The following LHX5 variants were observed in gnomAD, a reference collection of about 807,000 sequenced individuals.
LHX5 encodes the protein LIM/homeobox protein Lhx5.
A neutral mutation model predicts 30.6 loss-of-function variants in LHX5; 5 were observed. The ratio of observed to expected loss-of-function variants is 0.16; its 90% confidence interval spans 0.09 to 0.34. The LOEUF (loss-of-function observed/expected upper bound fraction) is 0.34. Ranked by LOEUF, LHX5 falls within the 10% of genes least tolerant of loss-of-function variation. LHX5 has a pLI of 1.00. For synonymous variants in LHX5, 266 were observed against 252.6 expected (o/e 1.05, Z -0.50); for missense variants, 458 against 570.6 (o/e 0.80, Z 2.01).
Position 113,463,312 on chromosome 12 carries a change from G to T in LHX5, c.1087C>A (p.Pro363Thr), listed in dbSNP as rs755696055. ...CCGCTGAATACCTCGCCGGGCATGGGGTGCAGCGTGCCCGGCAGGCCTGGC... is the reference window on the plus strand; with the variant it reads ...CCGCTGAATACCTCGCCGGGCATGGTGTGCAGCGTGCCCGGCAGGCCTGGC... ...PEPGLPGTLH[P>T]MPGEVFSGGP... The change falls in exon 5 of 5, where the codon CCC becomes ACC. Residue 363 changes from proline to threonine, a missense_variant. This residue lies in a region of LHX5 where 255 missense variants were observed against 246.8 expected (regional missense o/e 1.03). Coordinates refer to ENST00000261731, the MANE Select transcript of LHX5 (RefSeq NM_022363.3). The surrounding 1 kb of genome is among the most constrained non-coding windows in gnomAD (Gnocchi z 6.7). 70 of 1,536,380 alleles carry T rather than the reference G, an allele frequency of 4.6e-5. No homozygotes were observed. The East Asian group carries it at 1.7e-3, about 38-fold the overall frequency.
Position 113,469,256 on chromosome 12 carries a change from T to A in LHX5, c.263A>T (p.Asn88Ile). The A allele has an allele frequency of 6.2e-7, 1 of 1,614,224 alleles. No individual in the cohort carries two copies. The highest frequency in any genetic ancestry group is 8.5e-7 in the Non-Finnish European group (1 of 1,180,026). Reference protein sequence around the residue: ...RKARSKVFHLNCFTCMVCNKQ... With the variant: ...RKARSKVFHLICFTCMVCNKQ... ...GTTACACACCATGCAGGTGAAACAG[T>A]TGAGGTGAAAGACTTTGCTCCGGGC... The change falls in exon 2 of 5, where the codon AAC (asparagine) becomes ATC (isoleucine). Residue 88 changes from asparagine (N) to isoleucine (I), a missense_variant. Asn to Ile is a moderately radical substitution (Grantham distance 149). Around this residue, in one of 3 missense-constraint regions of LHX5, gnomAD observed 178 missense variants for 238.5 expected, o/e 0.75. Transcript: ENST00000261731.
intron 3 of LHX5, 26 bp downstream of exon 3, chr12:113,468,101 G>T (rs1478096248): frequency 1.4e-5 from 21 of 1,509,916 alleles, no homozygotes; most frequent in Non-Finnish European, 1.9e-5. Context: ...GCGGGGCTAA[G>T]GAGCTGTGCC....
At position 113,464,363 on chromosome 12, in the gene LHX5, A is replaced by T. The variant is rs1347762472; in HGVS notation, c.842-806T>A. 6.7e-6 allele frequency among the ~76,000 whole-genome samples: 1 copy of T among 149,756 alleles called. No individual in the cohort carries two copies. Among genetic ancestry groups the T allele is most frequent in the African/African-American group, 2.4e-5 (1 of 40,998 alleles). ...GCGAAATGGTTGAGACCGGGAAGCG[A>T]CCTGGCCGGGGGAAACTGGATCCGG... is the stretch of plus-strand genomic sequence containing the variant. On this transcript the variant is annotated intron_variant, in intron 4 of 4. Coordinates refer to ENST00000261731, the MANE Select transcript of LHX5 (RefSeq NM_022363.3). This position sits in a 1 kb window ranked among gnomAD's most constrained non-coding sequence, Gnocchi z 6.2.
At position 113,462,997 on chromosome 12, in the gene LHX5, C is replaced by G. The variant is rs926450096; in HGVS notation, c.*193G>C. 12 of 542,382 alleles carry G rather than the reference C, an allele frequency of 2.2e-5. No homozygotes were observed. Among genetic ancestry groups the G allele is most frequent in the Non-Finnish European group, 3.2e-5 (10 of 315,334 alleles). 33.6% of individuals were successfully genotyped at this position (542,382 alleles called of 1,614,324 possible). A position where few individuals can be genotyped will look rare whatever the true frequency, so the allele number is the denominator to read the frequency against. ...TGGGCTGAGGCTCCTGGAGAGCCCGCGGGGTGGAGATGGGGGTCGGCCCCC... is the reference window on the plus strand; with the variant it reads ...TGGGCTGAGGCTCCTGGAGAGCCCGGGGGGTGGAGATGGGGGTCGGCCCCC... On this transcript the variant is annotated 3_prime_UTR_variant, in exon 5 of 5. Coordinates refer to ENST00000261731, the MANE Select transcript of LHX5 (RefSeq NM_022363.3).
intron 1 of LHX5, among the ~76,000 whole-genome samples, chr12:113,470,803 G>C (rs1046218906): frequency 6.6e-5 from 10 of 152,168 alleles, no homozygotes; most frequent in Admixed American, 2.6e-4. Context: ...AAATGTTTAA[G>C]GGGTTGGGAG....
Position 113,467,686 on chromosome 12 carries a change from G to A in LHX5, c.676-265C>T, listed in dbSNP as rs983605901. Among the ~76,000 whole-genome samples, 23 of 152,182 alleles carry A rather than the reference G, an allele frequency of 1.5e-4. No homozygotes were observed. The highest frequency in any genetic ancestry group is 5.1e-4 in the African/African-American group (21 of 41,452). On this transcript the variant is annotated intron_variant, in intron 3 of 4. Coordinates refer to ENST00000261731, the MANE Select transcript of LHX5 (RefSeq NM_022363.3). This position sits in a 1 kb window ranked among gnomAD's most constrained non-coding sequence, Gnocchi z 6.3. ...TCCCCGGCTCGCCCGCGGCCTGACG[G>A]CTCTATAAAGGCCTCCCTCCCGGCA...
Position 113,463,564 on chromosome 12 carries a change from A to C in LHX5, c.842-7T>G. 1 of 1,520,226 alleles carries C rather than the reference A, an allele frequency of 6.6e-7. No homozygotes were observed. Among genetic ancestry groups the C allele is most frequent in the Non-Finnish European group, 8.8e-7 (1 of 1,141,184 alleles). The allele number at this position is 1,520,226 out of a possible 1,614,324, so 94.2% of individuals were successfully genotyped here. On this transcript the variant is annotated splice_region_variant and splice_polypyrimidine_tract_variant and intron_variant, in intron 4 of 4. Coordinates refer to ENST00000261731, the MANE Select transcript of LHX5 (RefSeq NM_022363.3). The surrounding 1 kb of genome is among the most constrained non-coding windows in gnomAD (Gnocchi z 6.7). ...TAGTAGTCGCCTTGGTAGTCTGCGG[A>C]GGGGGAGCGGGAAGGAGACAGGGCG... is the stretch of plus-strand genomic sequence containing the variant.
chr12:113,463,488 G>C lies in LHX5; in HGVS notation c.911C>G (p.Ala304Gly), dbSNP rs1335447679. The change falls in exon 5 of 5, where the codon GCG becomes GGG. Residue 304 changes from alanine (A) to glycine (G), a missense_variant. Around this residue, in one of 3 missense-constraint regions of LHX5, gnomAD observed 255 missense variants for 246.8 expected, o/e 1.03. Coordinates refer to ENST00000261731, the MANE Select transcript of LHX5 (RefSeq NM_022363.3). The surrounding 1 kb of genome is among the most constrained non-coding windows in gnomAD (Gnocchi z 6.7). Reference sequence around the variant, plus strand: ...GAAGCTGGAGTCGGCCGGGGACTGCGCCTGCGAAGGCGGGCCGTGCGCGAA... The same window carrying C: ...GAAGCTGGAGTCGGCCGGGGACTGCCCCTGCGAAGGCGGGCCGTGCGCGAA... ...DFFAHGPPSQ[A>G]QSPADSSFLA... The C allele has an allele frequency of 6.4e-7, 1 of 1,567,262 alleles. No individual in the cohort carries two copies. Among genetic ancestry groups the C allele is most frequent in the Admixed American group, 1.8e-5 (1 of 55,846 alleles).
rs1565887119 is a variant in LHX5, at chr12:113,467,311, G to A, written c.786C>T (p.Gly262=). The change falls in exon 4 of 5, where the codon GGC becomes GGT. Residue 262 remains glycine (G), a synonymous_variant. Coordinates refer to ENST00000261731, the MANE Select transcript of LHX5 (RefSeq NM_022363.3). The surrounding 1 kb of genome is among the most constrained non-coding windows in gnomAD (Gnocchi z 6.3). The part of the protein sequence containing the change: ...FRSPRRMRPL[G]GRLDESEMLG... ...ACATCTCAGACTCGTCCAAGCGGCC[G>A]CCCAGCGGACGCATGCGCCGCGGAC... 5.7e-6 allele frequency: 9 copies of A among 1,565,970 alleles called. No individual in the cohort carries two copies. The highest frequency in any genetic ancestry group is 7.8e-6 in the Non-Finnish European group (9 of 1,152,096).
rs1958209677 is a variant in LHX5, at chr12:113,465,589, G to T, written c.841+1667C>A. On this transcript the variant is annotated intron_variant, in intron 4 of 4. Coordinates refer to ENST00000261731, the MANE Select transcript of LHX5 (RefSeq NM_022363.3). This position sits in a 1 kb window ranked among gnomAD's most constrained non-coding sequence, Gnocchi z 6.7. ...AGTCTTCCCCACCATTACGGGGAACGAGGGGCCCCCAGTATCCAGCTCCCC... is the reference window on the plus strand; with the variant it reads ...AGTCTTCCCCACCATTACGGGGAACTAGGGGCCCCCAGTATCCAGCTCCCC... Among the ~76,000 whole-genome samples, 1 of 152,206 alleles carries T rather than the reference G, an allele frequency of 6.6e-6. No individual in the cohort carries two copies. The highest frequency in any genetic ancestry group is 1.5e-5 in the Non-Finnish European group (1 of 68,018).
Position 113,467,216 on chromosome 12 carries a change from A to C in LHX5, c.841+40T>G. ...ACCCTTCGCCCTCAGCTCCCGGAAT[A>C]GGACAGGTGCGGAACAGCGAATCCC... On this transcript the variant is annotated intron_variant, in intron 4 of 4. Coordinates refer to ENST00000261731, the MANE Select transcript of LHX5 (RefSeq NM_022363.3). This position sits in a 1 kb window ranked among gnomAD's most constrained non-coding sequence, Gnocchi z 6.3. 16 of 1,391,590 alleles carry C rather than the reference A, an allele frequency of 1.1e-5. No individual in the cohort carries two copies. The highest frequency in any genetic ancestry group is 3.1e-5 in the Admixed American group (1 of 32,426). 86.2% of individuals were successfully genotyped at this position (1,391,590 alleles called of 1,614,324 possible). A position where few individuals can be genotyped will look rare whatever the true frequency, so the allele number is the denominator to read the frequency against.
rs1224918361 is a variant in LHX5 at position 113,463,214 on chromosome 12, C to T, written c.1185G>A (p.Glu395=). ...YSGPLSHPNP[E]LNEAAVW ...CTTACCACACGGCGGCTTCGTTGAGCTCGGGGTTGGGATGCGACAGGGGTC... is the reference window on the plus strand; with the variant it reads ...CTTACCACACGGCGGCTTCGTTGAGTTCGGGGTTGGGATGCGACAGGGGTC... The change falls in exon 5 of 5, where the codon GAG becomes GAA. Residue 395 remains glutamate (E), a synonymous_variant. Coordinates refer to ENST00000261731, the MANE Select transcript of LHX5 (RefSeq NM_022363.3). The surrounding 1 kb of genome is among the most constrained non-coding windows in gnomAD (Gnocchi z 6.7). 1.3e-6 allele frequency: 2 copies of T among 1,521,462 alleles called. No individual in the cohort carries two copies. The highest frequency in any genetic ancestry group is 5.2e-5 in the East Asian group (2 of 38,304). 94.2% of individuals were successfully genotyped at this position (1,521,462 alleles called of 1,614,324 possible). A position where few individuals can be genotyped will look rare whatever the true frequency, so the allele number is the denominator to read the frequency against.
Position 113,463,458 on chromosome 12 carries a change from G to T in LHX5, c.941C>A (p.Ala314Glu), listed in dbSNP as rs1958190974. ...AQSPADSSFL[A>E]ASGPGSTPLG... is the part of the protein sequence containing the mutation. ...CGGCGTCGAGCCGGGGCCAGAGGCCGCCAGGAAGCTGGAGTCGGCCGGGGA... is the reference window on the plus strand; with the variant it reads ...CGGCGTCGAGCCGGGGCCAGAGGCCTCCAGGAAGCTGGAGTCGGCCGGGGA... Residue 314 changes from alanine to glutamate, a missense_variant, in exon 5 of 5, where the codon GCG becomes GAG. This residue lies in a region of LHX5 where 255 missense variants were observed against 246.8 expected (regional missense o/e 1.03). Transcript: ENST00000261731. The surrounding 1 kb of genome is among the most constrained non-coding windows in gnomAD (Gnocchi z 6.7). 10 of 1,560,516 alleles carry T rather than the reference G, an allele frequency of 6.4e-6. No homozygotes were observed. The highest frequency in any genetic ancestry group is 1.4e-5 in the African/African-American group (1 of 73,590).
chr12:113,470,942 C>A (rs1958246123), intron 1 of LHX5, among the ~76,000 whole-genome samples: 2 of 152,166 alleles, frequency 1.3e-5, no homozygotes, highest in African/African-American at 4.8e-5. Flanking sequence ...GAGCGAGAAG[C>A]CTTCAGGCGT....
chr12:113,469,369 C>A (rs765082721), intron 1 of LHX5, 24 bp from the exon 2 acceptor site: 1 of 1,601,538 alleles, frequency 6.2e-7, no homozygotes, highest in Non-Finnish European at 8.5e-7. Context: ...GTGCCTGTCA[C>A]TATGGGGTGG....
intron 1 of LHX5, 39 bp from the exon 2 acceptor site, chr12:113,469,384 G>A: frequency 6.4e-7 from 1 of 1,572,094 alleles, no homozygotes; most frequent in Non-Finnish European, 8.6e-7. Context: ...GGGTGGGACT[G>A]CATCCAGCCC....
rs1958255541 is a variant in LHX5, at chr12:113,471,840, C to A, written c.-342G>T. ...GCGGAGGCGCCGGCACTTTCCCCCACTTTCAAGCGGTCCGGATCCTCATCT... is the reference window on the plus strand; with the variant it reads ...GCGGAGGCGCCGGCACTTTCCCCCAATTTCAAGCGGTCCGGATCCTCATCT... On this transcript the variant is annotated 5_prime_UTR_variant, in exon 1 of 5. Coordinates refer to ENST00000261731, the MANE Select transcript of LHX5 (RefSeq NM_022363.3). The A allele has an allele frequency of 3.2e-6, 1 of 316,904 alleles. No homozygotes were observed. Among genetic ancestry groups the A allele is most frequent in the Non-Finnish European group, 5.8e-6 (1 of 173,790 alleles). The allele number at this position is 316,904 out of a possible 1,614,324, so 19.6% of individuals were successfully genotyped here.
chr12:113,467,219 A>T lies in LHX5; in HGVS notation c.841+37T>A, dbSNP rs1301734612. 6 of 1,399,940 alleles carry T rather than the reference A, an allele frequency of 4.3e-6. No individual in the cohort carries two copies. The East Asian group carries it at 1.6e-4, about 38-fold the overall frequency. The allele number at this position is 1,399,940 out of a possible 1,614,324, so 86.7% of individuals were successfully genotyped here. A position where few individuals can be genotyped will look rare whatever the true frequency, so the allele number is the denominator to read the frequency against. On this transcript the variant is annotated intron_variant, in intron 4 of 4. Coordinates refer to ENST00000261731, the MANE Select transcript of LHX5 (RefSeq NM_022363.3). This position sits in a 1 kb window ranked among gnomAD's most constrained non-coding sequence, Gnocchi z 6.3. Reference sequence around the variant, plus strand: ...CTTCGCCCTCAGCTCCCGGAATAGGACAGGTGCGGAACAGCGAATCCCGGG... The same window carrying T: ...CTTCGCCCTCAGCTCCCGGAATAGGTCAGGTGCGGAACAGCGAATCCCGGG...
At chr12:113,468,918 G>A (rs982010611) in intron 2 of LHX5, among the ~76,000 whole-genome samples, 3 of 152,206 alleles carry the variant, frequency 2.0e-5, no homozygotes, top group African/African-American at 7.2e-5. Flanking sequence ...GAGCTGGCAG[G>A]TCTCAGATCC....
Sources: gnomAD v4.1 joint callset for allele counts (sites outside exome capture counted in the v4.1 genomes callset) on GRCh38, gnomAD v4.1.1 for gene constraint, gnomAD v4.1.1 regional missense constraint, Gnocchi (gnomAD v3.1) non-coding constraint, MANE v1.5 for transcripts, NCBI Gene and HGNC (gene_info 2026-07-23, HGNC 2026-07-21) for gene names.